Variants in FRG1 observed in about 807,000 individuals in gnomAD.
FRG1 encodes the protein FSHD region gene 1.
A neutral mutation model predicts 37.0 loss-of-function variants in FRG1; 19 were observed. The observed-to-expected ratio is 0.51, with a 90% confidence interval of 0.36 to 0.75. The LOEUF (loss-of-function observed/expected upper bound fraction) is 0.75. Ranked by LOEUF, FRG1 falls within the 30% of genes least tolerant of loss-of-function variation. The pLI is 0.00. For synonymous variants in FRG1, 73 were observed against 96.5 expected (o/e 0.76, Z 1.43); for missense variants, 243 against 301.4 (o/e 0.81, Z 1.44).
chr4:189,958,401 A>C (rs1737081133), intron 6 of FRG1, among the ~76,000 whole-genome samples: 1 of 152,244 alleles, frequency 6.6e-6, no homozygotes, highest in Non-Finnish European at 1.5e-5. Context: ...TCTATGAAAC[A>C]TAAAAAATCA....
At chr4:189,945,547 T>C (rs556305594) in intron 2 of FRG1, among the ~76,000 whole-genome samples, 2 of 152,342 alleles carry the variant, frequency 1.3e-5, no homozygotes, top group Admixed American at 1.3e-4. Flanking sequence ...TTATATTGGT[T>C]TCATTTTCAA....
chr4:189,953,018 A>T (rs1329618853), intron 3 of FRG1, 50 bp from the exon 4 acceptor site: 1 of 1,525,410 alleles, frequency 6.6e-7, no homozygotes, highest in Non-Finnish European at 8.7e-7. Context: ...TAATGTCTTT[A>T]TATTTATAGC....
In FRG1 at chr4:189,943,285, T is replaced by C. The variant is rs1375944695; in HGVS notation, c.133+13T>C. ...CTTGATATTGTTGGTGAGTCAGTTT[T>C]CAGTGCTCTATTCTGAAAAAAGTTA... is the stretch of plus-strand genomic sequence containing the variant. On this transcript the variant is annotated intron_variant, in intron 2 of 8. Transcript: ENST00000226798. The C allele has an allele frequency of 6.2e-7, 1 of 1,602,602 alleles. No homozygotes were observed. Among genetic ancestry groups the C allele is most frequent in the Admixed American group, 1.7e-5 (1 of 57,606 alleles).
At chr4:189,951,415 G>T (rs74708395) in intron 2 of FRG1, among the ~76,000 whole-genome samples, 1 of 151,656 alleles carries the variant, frequency 6.6e-6, no homozygotes, top group Non-Finnish European at 1.5e-5. Context: ...GTTTGAACCC[G>T]GGAGGCAGAG....
chr4:189,956,988 T>C (rs1737009880), intron 5 of FRG1, among the ~76,000 whole-genome samples: 1 of 152,234 alleles, frequency 6.6e-6, no homozygotes, highest in Admixed American at 6.5e-5. Flanking sequence ...TACCTTTTCA[T>C]GTTTTCTAAT....
chr4:189,960,843 T>G lies in FRG1; in HGVS notation c.629+4T>G. On this transcript the variant is annotated splice_donor_region_variant and intron_variant, in intron 7 of 8. Transcript: ENST00000226798. Reference sequence around the variant, plus strand: ...AACAATGTGAAATCAATTATGTGTATGTATTCTTTTCCTTTTAGACCTACA... The same window carrying G: ...AACAATGTGAAATCAATTATGTGTAGGTATTCTTTTCCTTTTAGACCTACA... 6.2e-7 allele frequency: 1 copy of G among 1,604,504 alleles called. No individual in the cohort carries two copies.
At position 189,941,925 on chromosome 4, in the gene FRG1, C is replaced by T. The variant is rs1736326274; in HGVS notation, c.62+854C>T. The T allele has an allele frequency of 7.1e-6, 3 of 423,662 alleles. No individual in the cohort carries two copies. The Middle Eastern group carries it at 1.0e-3, about 144-fold the overall frequency. The allele number at this position is 423,662 out of a possible 1,614,324, so 26.2% of individuals were successfully genotyped here. On this transcript the variant is annotated intron_variant, in intron 1 of 8. Transcript: ENST00000226798. ...TATTTTTAGGCGAGATAGAAAGTAT[C>T]AAGGAGTGAGTTGAAGCCACTGGCC...
chr4:189,943,586 G>A (rs1321603235), intron 2 of FRG1, among the ~76,000 whole-genome samples: 1 of 152,168 alleles, frequency 6.6e-6, no homozygotes, highest in Non-Finnish European at 1.5e-5. Flanking sequence ...TCTTTTACAA[G>A]TTATTTTCTT....
At chr4:189,962,460 C>A (rs540479262) in intron 8 of FRG1, among the ~76,000 whole-genome samples, 7 of 152,074 alleles carry the variant, frequency 4.6e-5, no homozygotes, top group Admixed American at 6.6e-5. Flanking sequence ...AAAACAGAGA[C>A]GTTTAGCTGT....
intron 4 of FRG1, 53 bp from the exon 5 acceptor site, chr4:189,954,984 T>TA: frequency 9.0e-7 from 1 of 1,108,094 alleles, no homozygotes; most frequent in Non-Finnish European, 1.4e-6. Flanking sequence ...TTTGATGTCC[T>TA]ATAATTAATT....
intron 7 of FRG1, 174 bp from the exon 8 acceptor site, chr4:189,961,648 T>C (rs997032606): frequency 1.3e-5 from 6 of 450,854 alleles, no homozygotes; most frequent in African/African-American, 1.2e-4. Flanking sequence ...CCTTGAGCGA[T>C]GTGCCTGCCT....
intron 2 of FRG1, among the ~76,000 whole-genome samples, chr4:189,951,429 G>A (rs1450658149): frequency 9.9e-5 from 15 of 151,296 alleles, no homozygotes; most frequent in Admixed American, 2.0e-4. Flanking sequence ...GGCAGAGGTC[G>A]CAGTGAGCCG....
Position 189,943,186 on chromosome 4 carries a change from A to G in FRG1, c.63-16A>G, listed in dbSNP as rs765784091. On this transcript the variant is annotated splice_polypyrimidine_tract_variant and intron_variant, in intron 1 of 8. Coordinates refer to ENST00000226798, the MANE Select transcript of FRG1 (RefSeq NM_004477.3). ...TCAATATACCTAAACTCGTCTATATAAATTATGTCCTGTAGTAAGAAGAAA... is the reference window on the plus strand; with the variant it reads ...TCAATATACCTAAACTCGTCTATATGAATTATGTCCTGTAGTAAGAAGAAA... The G allele has an allele frequency of 8.3e-6, 13 of 1,563,744 alleles. No individual in the cohort carries two copies. In the African/African-American group the frequency reaches 1.8e-4, roughly 21 times the overall value.
At position 189,960,782 on chromosome 4, in the gene FRG1, A is replaced by G; in HGVS notation, c.572A>G (p.Lys191Arg). ...TGTGCTGAAAGAGAAACCAAGAAAA[A>G]AGATGACATTCCAGAAGAAGACAAA... ...RSCAERETKK[K>R]DDIPEEDKGN... Residue 191 changes from lysine (K) to arginine (R), a missense_variant, in exon 7 of 9, where the codon AAA becomes AGA. By Grantham distance (26) the Lys-to-Arg change is conservative. Transcript: ENST00000226798. 3 of 1,609,252 alleles carry G rather than the reference A, an allele frequency of 1.9e-6. No individual in the cohort carries two copies. The highest frequency in any genetic ancestry group is 2.5e-6 in the Non-Finnish European group (3 of 1,178,570).
chr4:189,944,724 T>C (rs1355268759), intron 2 of FRG1, among the ~76,000 whole-genome samples: 2 of 152,194 alleles, frequency 1.3e-5, no homozygotes, highest in Non-Finnish European at 2.9e-5. Flanking sequence ...TTTCTATGTA[T>C]TGGTCTGTTT....
At chr4:189,958,872 C>T (rs78897493) in intron 6 of FRG1, among the ~76,000 whole-genome samples, 12 of 147,442 alleles carry the variant, frequency 8.1e-5, no homozygotes, top group East Asian at 4.1e-4. Flanking sequence ...TGACACATGG[C>T]TTTTCTGTGT....
intron 6 of FRG1, among the ~76,000 whole-genome samples, chr4:189,959,554 G>A (rs1273641828): frequency 1.3e-5 from 2 of 152,184 alleles, no homozygotes; most frequent in Non-Finnish European, 2.9e-5. Flanking sequence ...AGATGGGTTT[G>A]TGACTTACAT....
chr4:189,948,149 G>A (rs868201423), intron 2 of FRG1, among the ~76,000 whole-genome samples: 1 of 152,000 alleles, frequency 6.6e-6, no homozygotes, highest in South Asian at 2.1e-4. Context: ...TAAACTTGCC[G>A]TATAAGTAAG....
chr4:189,947,147 A>G (rs1736565930), intron 2 of FRG1, among the ~76,000 whole-genome samples: 1 of 152,190 alleles, frequency 6.6e-6, no homozygotes, highest in South Asian at 2.1e-4. Flanking sequence ...CGGCCAGTTC[A>G]GTGTTCTTTA....
Sources: allele counts gnomAD v4.1 joint callset (sites outside exome capture counted in the v4.1 genomes callset), GRCh38; gene constraint gnomAD v4.1.1; transcripts MANE v1.5; gene names NCBI Gene and HGNC (gene_info 2026-07-23, HGNC 2026-07-21).